RORB: variants seen among roughly 807,000 people sequenced by gnomAD.
RORB encodes the protein nuclear receptor ROR-beta.
A neutral mutation model predicts 59.1 loss-of-function variants in RORB; 6 were observed. The ratio of observed to expected loss-of-function variants is 0.10; its 90% CI spans 0.06 to 0.20. RORB has a LOEUF of 0.20. Ranked by LOEUF, RORB falls within the 10% of genes least tolerant of loss-of-function variation. The pLI is 1.00. For synonymous variants in RORB, 215 were observed against 204.5 expected (o/e 1.05, Z -0.44); for missense variants, 320 against 560.5 (o/e 0.57, Z 4.33).
chr9:74,529,763 A>C (rs1451226195), intron 1 of RORB, among the ~76,000 whole-genome samples: 2 of 151,876 alleles, frequency 1.3e-5, no homozygotes, highest in African/African-American at 4.8e-5. Context: ...GGAAATGAAA[A>C]CTAGCTCCCT....
At chr9:74,639,418 A>G (rs11144032) in intron 3 of RORB, among the ~76,000 whole-genome samples, 46,390 of 152,060 alleles carry the variant, frequency 0.31, 8,253 homozygotes, top group East Asian at 0.54. Context: ...AAGAGGAATC[A>G]GGGTCATTAA....
intron 1 of RORB, among the ~76,000 whole-genome samples, chr9:74,570,779 C>A (rs1026400746): frequency 2.6e-5 from 4 of 151,966 alleles, no homozygotes; most frequent in African/African-American, 9.7e-5. Context: ...AAATAGTGTT[C>A]AATACATGCC....
chr9:74,529,747 A>C (rs899430603), intron 1 of RORB, among the ~76,000 whole-genome samples: 1 of 151,896 alleles, frequency 6.6e-6, no homozygotes, highest in Admixed American at 6.6e-5. Context: ...AAAGCATGAT[A>C]CCTAGGGAAA....
At chr9:74,658,309 C>CT (rs1485936221) in intron 4 of RORB, among the ~76,000 whole-genome samples, 3 of 152,152 alleles carry the variant, frequency 2.0e-5, no homozygotes, top group African/African-American at 7.2e-5. Flanking sequence ...GGCAGGGAAA[C>CT]TTTCACCAGG....
chr9:74,619,096 A>G (rs1823363981), intron 1 of RORB, among the ~76,000 whole-genome samples: 1 of 152,188 alleles, frequency 6.6e-6, no homozygotes, highest in African/African-American at 2.4e-5. Context: ...ATTTAACCCC[A>G]TTAACTAAGT....
At chr9:74,553,473 G>A (rs1826643146) in intron 1 of RORB, among the ~76,000 whole-genome samples, 1 of 152,014 alleles carries the variant, frequency 6.6e-6, no homozygotes, top group South Asian at 2.1e-4. Flanking sequence ...ACCAGAATTG[G>A]CATCACATAA....
chr9:74,579,587 T>C (rs1822690230), intron 1 of RORB, among the ~76,000 whole-genome samples: 1 of 152,166 alleles, frequency 6.6e-6, no homozygotes, highest in Admixed American at 6.6e-5. Flanking sequence ...ACAAAGCTTC[T>C]GGATAACGAG....
chr9:74,533,083 C>T (rs754636300), intron 1 of RORB, among the ~76,000 whole-genome samples: 22 of 151,832 alleles, frequency 1.4e-4, no homozygotes, highest in Non-Finnish European at 2.9e-4. Context: ...CCATTTCCCA[C>T]TGAACTTGCT....
intron 3 of RORB, among the ~76,000 whole-genome samples, chr9:74,639,840 C>G (rs1823766550): frequency 6.6e-6 from 1 of 152,092 alleles, no homozygotes; most frequent in East Asian, 1.9e-4. Context: ...TATTTTTTCC[C>G]TATACAAAAG....
chr9:74,511,725 A>G (rs1182784134), intron 1 of RORB, among the ~76,000 whole-genome samples: 2 of 149,410 alleles, frequency 1.3e-5, no homozygotes, highest in East Asian at 3.9e-4. Context: ...GCCTGAGGTC[A>G]TCTAGTATGA....
intron 1 of RORB, among the ~76,000 whole-genome samples, chr9:74,617,451 AC>A (rs1345225211): frequency 1.3e-5 from 2 of 152,300 alleles, no homozygotes; most frequent in East Asian, 3.9e-4. Flanking sequence ...CAACAACTTC[AC>A]CAGCTTACAT....
At chr9:74,609,349 A>G (rs1417672153) in intron 1 of RORB, among the ~76,000 whole-genome samples, 1 of 152,162 alleles carries the variant, frequency 6.6e-6, no homozygotes, top group East Asian at 1.9e-4. Flanking sequence ...TTTTTTCTCC[A>G]TCATCTACCA....
intron 4 of RORB, among the ~76,000 whole-genome samples, chr9:74,643,481 T>A (rs1223476899): frequency 6.6e-6 from 1 of 152,246 alleles, no homozygotes; most frequent in South Asian, 2.1e-4. Flanking sequence ...TAAGGAGCGA[T>A]CTTCAAGAGT....
chr9:74,554,733 A>G (rs1826667975), intron 1 of RORB, among the ~76,000 whole-genome samples: 1 of 152,204 alleles, frequency 6.6e-6, no homozygotes, highest in Non-Finnish European at 1.5e-5. Flanking sequence ...TAGCCTGAAA[A>G]TTCAGATGAC....
chr9:74,572,796 C>T (rs1822572722), intron 1 of RORB, among the ~76,000 whole-genome samples: 1 of 152,170 alleles, frequency 6.6e-6, no homozygotes, highest in Non-Finnish European at 1.5e-5. Flanking sequence ...CCAGGTGTAA[C>T]ATGACAATAT....
intron 9 of RORB, among the ~76,000 whole-genome samples, chr9:74,678,702 T>G (rs1280810352): frequency 6.6e-6 from 1 of 152,102 alleles, no homozygotes; most frequent in East Asian, 1.9e-4. Context: ...GTTATTTTTA[T>G]TGCTTTCTTA....
chr9:74,609,271 C>T (rs755705313), intron 1 of RORB, among the ~76,000 whole-genome samples: 7 of 152,168 alleles, frequency 4.6e-5, no homozygotes, highest in Non-Finnish European at 7.3e-5. Flanking sequence ...AACTTCCCAA[C>T]ACTGCATAGC....
chr9:74,578,543 T>C (rs1822671839), intron 1 of RORB, among the ~76,000 whole-genome samples: 1 of 152,218 alleles, frequency 6.6e-6, no homozygotes, highest in African/African-American at 2.4e-5. Flanking sequence ...AAATTAAAAA[T>C]GGAAGACAAA....
At chr9:74,530,161 A>T (rs1826214842) in intron 1 of RORB, among the ~76,000 whole-genome samples, 1 of 152,024 alleles carries the variant, frequency 6.6e-6, no homozygotes, top group African/African-American at 2.4e-5. Context: ...TAAGCAAAAT[A>T]TTTTCCAAGT....
Sources: gnomAD v4.1 joint callset for allele counts (sites outside exome capture counted in the v4.1 genomes callset) on GRCh38, gnomAD v4.1.1 for gene constraint, MANE v1.5 for transcripts, NCBI Gene and HGNC (gene_info 2026-07-23, HGNC 2026-07-21) for gene names.